The following TNS3 variants were observed in gnomAD, a reference collection of about 807,000 sequenced individuals.
TNS3 encodes tensin-3.
A neutral mutation model predicts 140.9 loss-of-function variants in TNS3; 45 were observed. That is an observed-to-expected ratio of 0.32 (90% confidence interval 0.25 to 0.41). The LOEUF is 0.41. TNS3 is among the 10% of genes least tolerant of loss of function. The pLI is 1.00. For synonymous variants in TNS3, 815 were observed against 788.4 expected (o/e 1.03, Z -0.56); for missense variants, 1,716 against 1,906.7 (o/e 0.90, Z 1.86).
rs748244918 is a variant in TNS3, at chr7:47,369,374, C to G, written c.1272G>C (p.Glu424Asp). The change falls in exon 17 of 31, where the codon GAG becomes GAC. Residue 424 changes from glutamate (E) to aspartate (D), a missense_variant. By Grantham distance (45) the Glu-to-Asp change is conservative (BLOSUM62 2). Around this residue, in one of 3 missense-constraint regions of TNS3, gnomAD observed 1,163 missense variants for 1,182.1 expected, o/e 0.98. Coordinates refer to ENST00000311160, the MANE Select transcript of TNS3 (RefSeq NM_022748.12). The stretch of plus-strand genomic sequence containing the variant: ...CAAAGCCACTGAGCAGCTGGTCCAA[C>G]TCTGCCTTCTCCTGGGCACTCAGGC... ...RRGLSAQEKA[E>D]LDQLLSGFGL... The G allele has an allele frequency of 1.2e-6, 2 of 1,614,212 alleles. No homozygotes were observed. The highest frequency in any genetic ancestry group is 1.7e-6 in the Non-Finnish European group (2 of 1,180,038).
chr7:47,380,610 G>T (rs1791695428), intron 16 of TNS3, among the ~76,000 whole-genome samples: 1 of 152,120 alleles, frequency 6.6e-6, no homozygotes, highest in Non-Finnish European at 1.5e-5. Flanking sequence ...TCTCCTCCTG[G>T]CTAGTACCAG....
chr7:47,285,669 T>C (rs903673579), intron 27 of TNS3, among the ~76,000 whole-genome samples: 1 of 152,152 alleles, frequency 6.6e-6, no homozygotes, highest in African/African-American at 2.4e-5. Context: ...ATTTATCAGG[T>C]GGATATGAAA....
intron 9 of TNS3, among the ~76,000 whole-genome samples, chr7:47,425,238 A>C (rs1203829933): frequency 6.6e-6 from 1 of 151,964 alleles, no homozygotes; most frequent in African/African-American, 2.4e-5. Context: ...AATCACTTGA[A>C]CCCGGGAGGC....
At chr7:47,571,250 C>T (rs1800548342) in intron 1 of TNS3, among the ~76,000 whole-genome samples, 1 of 152,244 alleles carries the variant, frequency 6.6e-6, no homozygotes, top group South Asian at 2.1e-4. Context: ...CTCCTAACAG[C>T]TCAGTGAGGT....
chr7:47,569,517 C>A (rs1163915844), intron 1 of TNS3, among the ~76,000 whole-genome samples: 2 of 151,336 alleles, frequency 1.3e-5, no homozygotes, highest in Admixed American at 1.3e-4. Context: ...GCACTCCAGC[C>A]TGGGCAACAG....
chr7:47,287,699 C>T (rs527381980), intron 27 of TNS3, among the ~76,000 whole-genome samples: 10 of 152,294 alleles, frequency 6.6e-5, no homozygotes, highest in Middle Eastern at 3.4e-3. Context: ...GTCCTGGTTC[C>T]GTGGCTTGGA....
chr7:47,451,195 A>G lies in TNS3; in HGVS notation c.-75-9140T>C, dbSNP rs188702709. On this transcript the variant is annotated intron_variant, in intron 4 of 30. Transcript: ENST00000311160. ...AGCAAGGCCTAAGCCTGCAAAGAGA[A>G]TATCAGCTCCCCTGGGTGTCCCCAG... 2.2e-3 allele frequency among the ~76,000 whole-genome samples: 332 copies of G among 152,306 alleles called. 1 individual carries two copies. The highest frequency in any genetic ancestry group is 7.6e-3 in the African/African-American group (316 of 41,562).
intron 20 of TNS3, among the ~76,000 whole-genome samples, chr7:47,332,573 CG>C (rs1172431928): frequency 6.6e-6 from 1 of 151,730 alleles, no homozygotes; most frequent in Non-Finnish European, 1.5e-5. Context: ...TCCTCAATCC[CG>C]GGATGGAGCA....
At chr7:47,416,029 C>T (rs564876542) in intron 10 of TNS3, among the ~76,000 whole-genome samples, 6 of 152,372 alleles carry the variant, frequency 3.9e-5, no homozygotes, top group Non-Finnish European at 7.3e-5. Context: ...CCCTGCCTGG[C>T]GTGGCCCCTG....
intron 2 of TNS3, among the ~76,000 whole-genome samples, chr7:47,508,940 C>T (rs1798512554): frequency 1.3e-5 from 2 of 152,192 alleles, no homozygotes; most frequent in Non-Finnish European, 2.9e-5. Flanking sequence ...TGGTCTCCAA[C>T]CCCAACCAAG....
intron 2 of TNS3, among the ~76,000 whole-genome samples, chr7:47,525,475 A>G (rs1356286909): frequency 6.6e-6 from 1 of 152,258 alleles, no homozygotes; most frequent in African/African-American, 2.4e-5. Flanking sequence ...TTGTCCAGAT[A>G]GGGCACTATT....
At chr7:47,509,925 C>T (rs540732352) in intron 2 of TNS3, among the ~76,000 whole-genome samples, 3 of 152,298 alleles carry the variant, frequency 2.0e-5, no homozygotes, top group Non-Finnish European at 2.9e-5. Context: ...CAAGGGACAG[C>T]GTCTCTGTTG....
chr7:47,291,070 C>T (rs1785670481), intron 27 of TNS3, among the ~76,000 whole-genome samples: 1 of 152,026 alleles, frequency 6.6e-6, no homozygotes, highest in South Asian at 2.1e-4. Context: ...GTGAAAGGAG[C>T]CAACCTCAAA....
At chr7:47,494,471 G>C (rs1402704382) in intron 3 of TNS3, among the ~76,000 whole-genome samples, 1 of 152,176 alleles carries the variant, frequency 6.6e-6, no homozygotes, top group African/African-American at 2.4e-5. Flanking sequence ...CAACCATTCA[G>C]CCATTCTATC....
intron 4 of TNS3, among the ~76,000 whole-genome samples, chr7:47,472,487 C>T (rs746155896): frequency 1.3e-5 from 2 of 152,162 alleles, no homozygotes; most frequent in Non-Finnish European, 2.9e-5. Flanking sequence ...GAGAAAGGCA[C>T]GTGCACAGGG....
rs528411169 is a variant in TNS3, at chr7:47,337,291, C to A, written c.2650+7464G>T. Among the ~76,000 whole-genome samples the A allele has an allele frequency of 1.3e-3, 193 of 152,308 alleles. 1 individual carries two copies. Among genetic ancestry groups the A allele is most frequent in the African/African-American group, 4.4e-3 (181 of 41,576 alleles). ...TAAAATCTGTCCTTACAGCCTTTAA[C>A]TAACTGGGCTATTTCTCTTGGACAC... is the stretch of plus-strand genomic sequence containing the variant. On this transcript the variant is annotated intron_variant, in intron 20 of 30. Transcript: ENST00000311160.
chr7:47,554,117 T>C (rs1800132508), intron 1 of TNS3, among the ~76,000 whole-genome samples: 1 of 150,308 alleles, frequency 6.7e-6, no homozygotes, highest in Non-Finnish European at 1.5e-5. Context: ...CAAGTCTTAC[T>C]TTTTAAGAAA....
intron 4 of TNS3, among the ~76,000 whole-genome samples, chr7:47,449,959 T>C (rs527796152): frequency 1.3e-5 from 2 of 152,092 alleles, no homozygotes; most frequent in South Asian, 4.1e-4. Flanking sequence ...TAACTGTGAA[T>C]TCTCGTCTGA....
chr7:47,472,557 T>C (rs1159103937), intron 4 of TNS3, among the ~76,000 whole-genome samples: 1 of 152,132 alleles, frequency 6.6e-6, no homozygotes, highest in Non-Finnish European at 1.5e-5. Flanking sequence ...AGTCCAGGAC[T>C]GTGGCCCTAA....
Sources: gnomAD v4.1 joint callset for allele counts (sites outside exome capture counted in the v4.1 genomes callset) on GRCh38, gnomAD v4.1.1 for gene constraint, gnomAD v4.1.1 regional missense constraint, MANE v1.5 for transcripts, NCBI Gene and HGNC (gene_info 2026-07-23, HGNC 2026-07-21) for gene names.